Variants in EXT1 observed in about 807,000 individuals in gnomAD.
EXT1 encodes exostosin glycosyltransferase 1.
Under a neutral mutation model 82.5 loss-of-function variants are expected in EXT1, and 20 were observed. That is an observed-to-expected ratio of 0.24 (90% CI 0.17 to 0.35). The LOEUF is 0.35. EXT1 is among the 10% of genes least tolerant of loss of function. EXT1 has a pLI of 1.00. For missense variants in EXT1, 757 were observed against 936.5 expected, an observed-to-expected ratio of 0.81 and a Z score of 2.50; for synonymous variants, 348 against 350.8, an observed-to-expected ratio of 0.99 and a Z score of 0.09.
chr8:118,049,635 C>G (rs759333773), intron 1 of EXT1, among the ~76,000 whole-genome samples: 14 of 152,180 alleles, frequency 9.2e-5, no homozygotes, highest in Non-Finnish European at 1.9e-4. Flanking sequence ...ATATGTGTAA[C>G]TTAAGTCAGA....
At chr8:117,923,843 T>C (rs973967895) in intron 1 of EXT1, among the ~76,000 whole-genome samples, 1 of 152,164 alleles carries the variant, frequency 6.6e-6, no homozygotes, top group Non-Finnish European at 1.5e-5. Flanking sequence ...GAGCACCACA[T>C]TGAGAACAAT....
At chr8:117,823,493 A>AT (rs966355596) in intron 4 of EXT1, among the ~76,000 whole-genome samples, 6 of 150,390 alleles carry the variant, frequency 4.0e-5, no homozygotes, top group Non-Finnish European at 7.4e-5. Flanking sequence ...GTTTTCAGCA[A>AT]TTTTTTTTAC....
intron 1 of EXT1, among the ~76,000 whole-genome samples, chr8:117,977,552 C>T (rs996315029): frequency 2.6e-5 from 4 of 152,046 alleles, no homozygotes; most frequent in African/African-American, 9.7e-5. Flanking sequence ...TGATGTGGGG[C>T]TCACAGTAGA....
At chr8:118,038,975 T>C (rs1816476364) in intron 1 of EXT1, among the ~76,000 whole-genome samples, 1 of 152,220 alleles carries the variant, frequency 6.6e-6, no homozygotes, top group African/African-American at 2.4e-5. Flanking sequence ...AAACAATTTT[T>C]TGAATTTCCT....
intron 1 of EXT1, among the ~76,000 whole-genome samples, chr8:117,955,895 T>C (rs563167592): frequency 7.9e-5 from 12 of 152,132 alleles, no homozygotes; most frequent in Admixed American, 6.5e-4. Context: ...TTACCAAGAG[T>C]GTACCACCAT....
At chr8:117,927,667 G>A (rs957360803) in intron 1 of EXT1, among the ~76,000 whole-genome samples, 3 of 152,168 alleles carry the variant, frequency 2.0e-5, no homozygotes, top group Non-Finnish European at 4.4e-5. Flanking sequence ...CACTCAATCT[G>A]CTTACAAAAT....
intron 1 of EXT1, among the ~76,000 whole-genome samples, chr8:118,029,120 T>C (rs989634550): frequency 4.0e-5 from 6 of 151,812 alleles, no homozygotes; most frequent in Non-Finnish European, 8.8e-5. Flanking sequence ...GAGATACATT[T>C]GTAGATTCAA....
intron 1 of EXT1, among the ~76,000 whole-genome samples, chr8:118,070,133 G>A (rs1336428244): frequency 1.3e-5 from 2 of 152,082 alleles, no homozygotes; most frequent in African/African-American, 2.4e-5. Context: ...CACCGATGGT[G>A]CGTTTTTACT....
intron 1 of EXT1, among the ~76,000 whole-genome samples, chr8:117,982,634 G>A (rs915514443): frequency 1.3e-5 from 2 of 152,034 alleles, no homozygotes. Flanking sequence ...GAGATTACAG[G>A]GGTGCGCCAC....
chr8:117,899,720 C>A (rs1384881947), intron 1 of EXT1, among the ~76,000 whole-genome samples: 5 of 152,124 alleles, frequency 3.3e-5, no homozygotes, highest in Admixed American at 2.0e-4. Flanking sequence ...CAAGGAGTAG[C>A]AAGATAAATG....
rs987080128 is a variant in EXT1, at chr8:117,906,329, TGTA to T, written c.963-69131_963-69129del. 1.8e-4 allele frequency among the ~76,000 whole-genome samples: 27 copies of T among 152,216 alleles called. 1 individual carries two copies. On this transcript the variant is annotated intron_variant, in intron 1 of 10. Transcript: ENST00000378204. ...TTAAGTCTCTACCCAACTAGTTTCA[TGTA>T]AGGAGAATATACAAACCAGGAATAG... is the stretch of plus-strand genomic sequence containing the variant.
intron 1 of EXT1, among the ~76,000 whole-genome samples, chr8:117,947,312 T>C (rs1012780412): frequency 6.6e-6 from 1 of 152,218 alleles, no homozygotes; most frequent in Non-Finnish European, 1.5e-5. Context: ...CAAAGTCACT[T>C]TTTTCTTTCT....
intron 1 of EXT1, among the ~76,000 whole-genome samples, chr8:117,897,155 G>C (rs6981592): frequency 0.51 from 77,366 of 152,146 alleles, 20,045 homozygotes; most frequent in Middle Eastern, 0.63. Flanking sequence ...AATTCAACCA[G>C]AACTAGTTGT....
intron 2 of EXT1, among the ~76,000 whole-genome samples, chr8:117,836,287 A>AAC (rs1812187608): frequency 6.6e-6 from 1 of 152,226 alleles, no homozygotes; most frequent in South Asian, 2.1e-4. Context: ...TGCTATGCAG[A>AAC]ACACACACAG....
At chr8:117,984,977 C>A (rs1468921820) in intron 1 of EXT1, among the ~76,000 whole-genome samples, 1 of 152,160 alleles carries the variant, frequency 6.6e-6, no homozygotes, top group African/African-American at 2.4e-5. Context: ...TCTCACAGCT[C>A]TGACTCTCCA....
At chr8:117,871,791 G>T (rs1812877882) in intron 1 of EXT1, among the ~76,000 whole-genome samples, 2 of 152,116 alleles carry the variant, frequency 1.3e-5, no homozygotes, top group Admixed American at 1.3e-4. Context: ...ATCCCCTAGG[G>T]TAGGGCTGGG....
At chr8:118,034,717 A>T (rs1389329798) in intron 1 of EXT1, among the ~76,000 whole-genome samples, 1 of 152,206 alleles carries the variant, frequency 6.6e-6, no homozygotes, top group Admixed American at 6.5e-5. Context: ...GGCTGCTGTG[A>T]CATTCAAGAT....
chr8:118,066,566 G>A (rs1816992883), intron 1 of EXT1, among the ~76,000 whole-genome samples: 1 of 151,996 alleles, frequency 6.6e-6, no homozygotes, highest in Non-Finnish European at 1.5e-5. Context: ...TCACCATGTT[G>A]ACCAGGCTGG....
chr8:117,887,821 C>G (rs1238876474), intron 1 of EXT1, among the ~76,000 whole-genome samples: 1 of 151,574 alleles, frequency 6.6e-6, no homozygotes, highest in African/African-American at 2.4e-5. Flanking sequence ...CACGGTGACT[C>G]ACGCCTGTAA....
Sources: gnomAD v4.1 joint callset for allele counts (sites outside exome capture counted in the v4.1 genomes callset) on GRCh38, gnomAD v4.1.1 for gene constraint, MANE v1.5 for transcripts, NCBI Gene and HGNC (gene_info 2026-07-23, HGNC 2026-07-21) for gene names.